Variants in GPR149 observed in about 807,000 individuals in gnomAD.
The protein encoded by GPR149 is G protein-coupled receptor 149.
GPR149 carries 50 observed loss-of-function variants against 50.2 expected under a neutral mutation model. The ratio of observed to expected loss-of-function variants is 1.00; its 90% confidence interval spans 0.79 to 1.26. The LOEUF (loss-of-function observed/expected upper bound fraction) is 1.26, where lower values mean the gene tolerates loss of function less well. GPR149 is among the 50% of genes most tolerant of loss of function. The probability of loss-of-function intolerance (pLI) is 0.00; values close to 1 mark genes in which losing one functional copy is unlikely to be tolerated. For missense variants in GPR149, 983 were observed against 895.4 expected, an observed-to-expected ratio of 1.10 and a Z score of -1.25; for synonymous variants, 405 against 358.2, an observed-to-expected ratio of 1.13 and a Z score of -1.48.
intron 3 of GPR149, among the ~76,000 whole-genome samples, chr3:154,382,459 G>A (rs1332833743): frequency 3.3e-5 from 5 of 152,160 alleles, no homozygotes; most frequent in South Asian, 2.1e-4. Flanking sequence ...CAGATGGCTC[G>A]AGATCCCATT....
intron 3 of GPR149, among the ~76,000 whole-genome samples, chr3:154,395,204 T>G (rs1407512472): frequency 2.0e-5 from 3 of 151,922 alleles, no homozygotes; most frequent in African/African-American, 4.8e-5. Flanking sequence ...TAAATAATAC[T>G]TCTAAGAAGA....
chr3:154,353,720 T>G, intron 3 of GPR149: 2 of 1,080,942 alleles, frequency 1.9e-6, no homozygotes, highest in Non-Finnish European at 2.8e-6. Flanking sequence ...TTTTTAAAAA[T>G]TGTTTCTTGA....
At chr3:154,382,807 TA>T (rs1416715897) in intron 3 of GPR149, among the ~76,000 whole-genome samples, 3 of 152,206 alleles carry the variant, frequency 2.0e-5, no homozygotes, top group African/African-American at 7.2e-5. Flanking sequence ...CAAATTAATT[TA>T]ATATACTCAA....
intron 2 of GPR149, among the ~76,000 whole-genome samples, chr3:154,423,425 A>G (rs1045870781): frequency 6.6e-6 from 1 of 151,884 alleles, no homozygotes; most frequent in Non-Finnish European, 1.5e-5. Context: ...AATCAGACCC[A>G]TGAAAGAATT....
chr3:154,392,315 T>C (rs558555222), intron 3 of GPR149, among the ~76,000 whole-genome samples: 31 of 151,634 alleles, frequency 2.0e-4, no homozygotes, highest in Non-Finnish European at 3.7e-4. Context: ...AACTAATGGG[T>C]CAAGGAAGAA....
intron 2 of GPR149, among the ~76,000 whole-genome samples, chr3:154,423,201 T>C (rs770644429): frequency 6.6e-6 from 1 of 151,840 alleles, no homozygotes; most frequent in Admixed American, 6.6e-5. Flanking sequence ...CATGATGTGA[T>C]AGAACATTCT....
At chr3:154,411,368 A>G (rs1711827316) in intron 3 of GPR149, among the ~76,000 whole-genome samples, 1 of 152,150 alleles carries the variant, frequency 6.6e-6, no homozygotes, top group African/African-American at 2.4e-5. Flanking sequence ...TGAAATTGAA[A>G]CAAACAAAAA....
chr3:154,376,441 A>C (rs1559978905), intron 3 of GPR149, among the ~76,000 whole-genome samples: 2 of 152,238 alleles, frequency 1.3e-5, no homozygotes, highest in African/African-American at 2.4e-5. Context: ...AGGATGAAAC[A>C]ATATGTATAA....
At chr3:154,388,311 TACACAC>T (rs377577199) in intron 3 of GPR149, among the ~76,000 whole-genome samples, 1 of 151,094 alleles carries the variant, frequency 6.6e-6, no homozygotes, top group Non-Finnish European at 1.5e-5. Context: ...CACATATATA[TACACAC>T]ACACACACAC....
At chr3:154,397,943 TCAAC>T in intron 3 of GPR149, among the ~76,000 whole-genome samples, 2 of 151,534 alleles carry the variant, frequency 1.3e-5, no homozygotes, top group Middle Eastern at 6.8e-3. Context: ...TTTGTAAAAA[TCAAC>T]CAAAGTATTC....
At chr3:154,344,429 A>G (rs1713875987) in intron 3 of GPR149, among the ~76,000 whole-genome samples, 2 of 152,152 alleles carry the variant, frequency 1.3e-5, no homozygotes, top group Non-Finnish European at 2.9e-5. Flanking sequence ...TGATACAAAA[A>G]CTGTTAATAT....
intron 3 of GPR149, among the ~76,000 whole-genome samples, chr3:154,343,759 G>A (rs981997301): frequency 2.6e-5 from 4 of 152,068 alleles, no homozygotes; most frequent in African/African-American, 9.7e-5. Flanking sequence ...GTAGAATCAC[G>A]TGAGCCCAGA....
At chr3:154,399,774 A>G (rs1711506777) in intron 3 of GPR149, among the ~76,000 whole-genome samples, 1 of 152,156 alleles carries the variant, frequency 6.6e-6, no homozygotes, top group African/African-American at 2.4e-5. Flanking sequence ...TTTCTTTACC[A>G]AAGAGCAAGG....
In GPR149 at chr3:154,428,727, AG is replaced by A; in HGVS notation, c.888del (p.Tyr297MetfsTer8). On this transcript the variant is annotated frameshift_variant, in exon 1 of 4. Transcript: ENST00000389740. LOFTEE classifies it high-confidence loss of function. ...CTCACGGTGAAGCTCCTGGTGCCAT[AG>A]AGAGTCCCCCGGTTCTCACGCCTGC... ...EACRRENRGT[L>X]YGTRSFTVSV... 1 of 1,614,126 alleles carries A rather than the reference AG, an allele frequency of 6.2e-7. No individual in the cohort carries two copies. The highest frequency in any genetic ancestry group is 8.5e-7 in the Non-Finnish European group (1 of 1,180,030).
chr3:154,360,729 T>C (rs1223342447), intron 3 of GPR149, among the ~76,000 whole-genome samples: 1 of 152,202 alleles, frequency 6.6e-6, no homozygotes, highest in Non-Finnish European at 1.5e-5. Context: ...CAAACATCCA[T>C]TCATTATTCT....
At chr3:154,340,849 G>A (rs1713774371) in intron 3 of GPR149, among the ~76,000 whole-genome samples, 1 of 152,168 alleles carries the variant, frequency 6.6e-6, no homozygotes, top group Non-Finnish European at 1.5e-5. Context: ...AGCCTCCTGA[G>A]TAGCTGAGAC....
intron 3 of GPR149, among the ~76,000 whole-genome samples, chr3:154,404,516 TG>T (rs888790992): frequency 2.0e-5 from 3 of 152,216 alleles, no homozygotes; most frequent in Non-Finnish European, 2.9e-5. Flanking sequence ...TGGGTGAGAT[TG>T]TGACATATTT....
At chr3:154,350,326 A>G (rs1393719834) in intron 3 of GPR149, among the ~76,000 whole-genome samples, 2 of 152,234 alleles carry the variant, frequency 1.3e-5, no homozygotes, top group East Asian at 1.9e-4. Flanking sequence ...AAAAATCCTC[A>G]AGCTAATGAT....
At chr3:154,347,510 G>A (rs183235728) in intron 3 of GPR149, among the ~76,000 whole-genome samples, 2 of 152,186 alleles carry the variant, frequency 1.3e-5, no homozygotes, top group Non-Finnish European at 2.9e-5. Context: ...CATGATGTGT[G>A]GGGATTATGG....
Sources: gnomAD v4.1 joint callset for allele counts (sites outside exome capture counted in the v4.1 genomes callset) on GRCh38, gnomAD v4.1.1 for gene constraint, MANE v1.5 for transcripts, NCBI Gene and HGNC (gene_info 2026-07-23, HGNC 2026-07-21) for gene names.